PTPRB: variants seen among roughly 807,000 people sequenced by gnomAD.
The protein encoded by PTPRB is protein tyrosine phosphatase receptor type B.
A neutral mutation model predicts 238.1 loss-of-function variants in PTPRB; 97 were observed. The observed-to-expected ratio is 0.41, with a 90% CI of 0.35 to 0.48. The LOEUF (loss-of-function observed/expected upper bound fraction) is 0.48. Ranked by LOEUF, PTPRB falls within the 20% of genes least tolerant of loss-of-function variation. PTPRB has a pLI of 0.30. For missense variants in PTPRB, 2,292 were observed against 2,681.9 expected (o/e 0.85, Z 3.21); for synonymous variants, 970 against 995.4 (o/e 0.97, Z 0.48).
intron 15 of PTPRB, among the ~76,000 whole-genome samples, chr12:70,564,023 G>T (rs928308429): frequency 3.3e-5 from 5 of 151,994 alleles, no homozygotes; most frequent in Non-Finnish European, 7.4e-5. Context: ...ACTCATCCTC[G>T]CTCACTCTGT....
At position 70,540,878 on chromosome 12, in the gene PTPRB, C is replaced by A; in HGVS notation, c.5574G>T (p.Leu1858Phe). 6.2e-7 allele frequency: 1 copy of A among 1,602,718 alleles called. No individual in the cohort carries two copies. The highest frequency in any genetic ancestry group is 8.5e-7 in the Non-Finnish European group (1 of 1,174,456). ...IGMLVAVVAL[L>F]ICRQKVSHGR... The stretch of plus-strand genomic sequence containing the variant: ...CTTACCTCACTTTCTGTCTGCAGAT[C>A]AATAAGGCAACAACAGCCACTAGCA... The change falls in exon 23 of 34, where the codon TTG (leucine) becomes TTT (phenylalanine). Residue 1858 changes from leucine (L) to phenylalanine (F), a missense_variant. Leu to Phe is a conservative substitution (Grantham distance 22). Transcript: ENST00000334414.
At chr12:70,572,399 A>T (rs1348812129) in intron 11 of PTPRB, among the ~76,000 whole-genome samples, 1 of 152,208 alleles carries the variant, frequency 6.6e-6, no homozygotes, top group Non-Finnish European at 1.5e-5. Context: ...GGTAAACGAT[A>T]TAGATAATTC....
intron 3 of PTPRB, 88 bp from the exon 4 acceptor site, chr12:70,609,427 C>G: frequency 6.7e-7 from 1 of 1,481,496 alleles, no homozygotes; most frequent in Non-Finnish European, 9.1e-7. Flanking sequence ...GCCACACTTT[C>G]TCCTCTACTT....
In PTPRB at chr12:70,552,963, CTG is replaced by C; in HGVS notation, c.5199_5200del (p.Tyr1733Ter). 6.2e-7 allele frequency: 1 copy of C among 1,613,924 alleles called. No individual in the cohort carries two copies. Among genetic ancestry groups the C allele is most frequent in the Non-Finnish European group, 8.5e-7 (1 of 1,179,828 alleles). On this transcript the variant is annotated stop_gained and frameshift_variant, in exon 21 of 34. Coordinates refer to ENST00000334414, the MANE Select transcript of PTPRB (RefSeq NM_001109754.4). LOFTEE classifies it high-confidence loss of function. Reference sequence around the variant, plus strand: ...ATACACCCGAATGGAGGCATTGTGCCTGTACTCCAGGTAGGAAGGGAGAGGGT... The same window carrying C: ...ATACACCCGAATGGAGGCATTGTGCCTACTCCAGGTAGGAAGGGAGAGGGT...
chr12:70,592,568 G>A (rs1882598483), intron 6 of PTPRB, 23 bp from the exon 7 acceptor site: 2 of 1,604,384 alleles, frequency 1.2e-6, no homozygotes, highest in Non-Finnish European at 1.7e-6. Context: ...GAACAGAAAG[G>A]AGACTTTTAC....
At position 70,524,436 on chromosome 12, in the gene PTPRB, A is replaced by T. The variant is rs116008791; in HGVS notation, c.6625+35T>A. 2.6e-3 allele frequency: 4,021 copies of T among 1,560,442 alleles called. 91 individuals carry two copies. The African/African-American group carries it at 0.046, about 18-fold the overall frequency. On this transcript the variant is annotated intron_variant, in intron 33 of 33. Transcript: ENST00000334414. ...GGCCAGATTGACCATATCTTGATGA[A>T]GAAACTTGGGGAAGTAAGTGAAGTA...
intron 33 of PTPRB, among the ~76,000 whole-genome samples, chr12:70,523,786 C>A (rs747616362): frequency 1.3e-5 from 2 of 151,870 alleles, no homozygotes; most frequent in Non-Finnish European, 2.9e-5. Flanking sequence ...TCTTTTTTCT[C>A]TTTTCTTCTC....
In PTPRB at chr12:70,576,489, A is replaced by G. The variant is rs920640979; in HGVS notation, c.2735T>C (p.Val912Ala). ...VVQSLVIAKS[V>A]RECSFSSLTP... The stretch of plus-strand genomic sequence containing the variant: ...GAGGGAGCTGAAGGAACATTCTCTG[A>G]CAGACTTGGCAATGACAAGGGACTG... Residue 912 changes from valine (V) to alanine (A), a missense_variant, in exon 11 of 34, where the codon GTC (valine) becomes GCC (alanine). Transcript: ENST00000334414. 9 of 1,583,900 alleles carry G rather than the reference A, an allele frequency of 5.7e-6. No homozygotes were observed. The Admixed American group carries it at 9.0e-5, about 16-fold the overall frequency.
chr12:70,578,934 G>A (rs919192324), intron 10 of PTPRB, among the ~76,000 whole-genome samples: 1 of 152,162 alleles, frequency 6.6e-6, no homozygotes, highest in Non-Finnish European at 1.5e-5. Context: ...CTACTCCCAA[G>A]TCTGATGAGT....
chr12:70,582,793 T>G (rs1881519161), intron 9 of PTPRB, among the ~76,000 whole-genome samples: 1 of 152,034 alleles, frequency 6.6e-6, no homozygotes, highest in South Asian at 2.1e-4. Flanking sequence ...AGAAAAAAAC[T>G]GATAAATTGG....
At chr12:70,591,461 TCA>T (rs1882482705) in intron 7 of PTPRB, among the ~76,000 whole-genome samples, 1 of 152,182 alleles carries the variant, frequency 6.6e-6, no homozygotes, top group Admixed American at 6.5e-5. Flanking sequence ...AAGACATCTC[TCA>T]CAGTTTTGTT....
intron 3 of PTPRB, among the ~76,000 whole-genome samples, chr12:70,613,990 G>A (rs978553165): frequency 6.6e-6 from 1 of 152,130 alleles, no homozygotes; most frequent in East Asian, 1.9e-4. Context: ...TGAAGACAAA[G>A]AGAAAAAGGT....
At chr12:70,621,778 C>A (rs1884946884) in intron 3 of PTPRB, among the ~76,000 whole-genome samples, 1 of 152,166 alleles carries the variant, frequency 6.6e-6, no homozygotes, top group South Asian at 2.1e-4. Context: ...AAATGGTGGA[C>A]TAAAACTCTG....
intron 32 of PTPRB, among the ~76,000 whole-genome samples, chr12:70,528,080 A>G (rs954979567): frequency 1.3e-5 from 2 of 152,236 alleles, no homozygotes; most frequent in African/African-American, 2.4e-5. Context: ...GCACCAACCT[A>G]ATACCTGGAT....
rs869128610 is a variant in PTPRB at position 70,576,669 on chromosome 12, CGGGGGGGGGG to C, written c.2579-34_2579-25del. On this transcript the variant is annotated intron_variant, in intron 10 of 33. Coordinates refer to ENST00000334414, the MANE Select transcript of PTPRB (RefSeq NM_001109754.4). Reference sequence around the variant, plus strand: ...GACTGTGATTTTGAAAGGTGGGGGGCGGGGGGGGGGGGGAAGGGGGATTCAAAAAGAAAGA... The same window carrying C: ...GACTGTGATTTTGAAAGGTGGGGGGCGGGAAGGGGGATTCAAAAAGAAAGA... 2.7e-5 allele frequency: 3 copies of C among 112,726 alleles called. 1 individual carries two copies. Among genetic ancestry groups the C allele is most frequent in the Non-Finnish European group, 3.7e-5 (3 of 81,318 alleles). 7.0% of individuals were successfully genotyped at this position (112,726 alleles called of 1,614,324 possible). A position where few individuals can be genotyped will look rare whatever the true frequency, so the allele number is the denominator to read the frequency against.
chr12:70,619,097 G>A (rs1884803892), intron 3 of PTPRB, among the ~76,000 whole-genome samples: 1 of 151,486 alleles, frequency 6.6e-6, no homozygotes, highest in African/African-American at 2.4e-5. Flanking sequence ...GTCCTCCTTG[G>A]CATTTACCTT....
At position 70,610,429 on chromosome 12, in the gene PTPRB, C is replaced by G. The variant is rs527806222; in HGVS notation, c.709-1090G>C. Among the ~76,000 whole-genome samples, 37 of 151,644 alleles carry G rather than the reference C, an allele frequency of 2.4e-4. 3 individuals carry two copies. In the South Asian group the frequency reaches 7.5e-3, roughly 31 times the overall value. ...CTCCCTCCACACCCAGCGTCTCCCC[C>G]TCCCTATCTTCCTTCCTATCTTCCT... On this transcript the variant is annotated intron_variant, in intron 3 of 33. Transcript: ENST00000334414.
At chr12:70,537,980 C>T (rs766936275) in intron 28 of PTPRB, 175 bp downstream of exon 28, 10 of 522,914 alleles carry the variant, frequency 1.9e-5, no homozygotes, top group African/African-American at 7.8e-5. Flanking sequence ...AAAAATGTGG[C>T]GTAGCAGGAA....
In PTPRB at chr12:70,590,164, G is replaced by A; in HGVS notation, c.1850C>T (p.Ser617Leu). 1.9e-6 allele frequency: 3 copies of A among 1,611,756 alleles called. No homozygotes were observed. Among genetic ancestry groups the A allele is most frequent in the Non-Finnish European group, 2.5e-6 (3 of 1,178,714 alleles). Residue 617 changes from serine to leucine, a missense_variant, in exon 8 of 34, where the codon TCG becomes TTG. Ser to Leu is a moderately radical substitution (Grantham distance 145). Coordinates refer to ENST00000334414, the MANE Select transcript of PTPRB (RefSeq NM_001109754.4). Reference sequence around the variant, plus strand: ...CTGCTCCCAGTCTCCAGCAGGGGGCGACCAGCTCACTACAAGAGACCTCAT... The same window carrying A: ...CTGCTCCCAGTCTCCAGCAGGGGGCAACCAGCTCACTACAAGAGACCTCAT... Reference protein sequence around the residue: ...GRMRSLVVSWSPPAGDWEQYR... With the variant: ...GRMRSLVVSWLPPAGDWEQYR...
Sources: allele counts gnomAD v4.1 joint callset (sites outside exome capture counted in the v4.1 genomes callset), GRCh38; gene constraint gnomAD v4.1.1; transcripts MANE v1.5; gene names NCBI Gene and HGNC (gene_info 2026-07-23, HGNC 2026-07-21).